The following TMEM178B variants were observed in gnomAD, a reference collection of about 807,000 sequenced individuals.
The protein encoded by TMEM178B is transmembrane protein 178B.
A neutral mutation model predicts 31.0 loss-of-function variants in TMEM178B; 5 were observed. The observed-to-expected ratio is 0.16, with a 90% CI of 0.08 to 0.34. The LOEUF is 0.34. Among genes scored for constraint, TMEM178B ranks in the 10% least tolerant of loss-of-function variants. The pLI, the probability that TMEM178B is intolerant of heterozygous loss-of-function variation, is 1.00. For synonymous variants in TMEM178B, 164 were observed against 164.0 expected (o/e 1.00, Z 0.00); for missense variants, 275 against 400.3 (o/e 0.69, Z 2.67).
intron 2 of TMEM178B, among the ~76,000 whole-genome samples, chr7:141,314,346 T>C (rs1185418209): frequency 1.3e-5 from 2 of 152,224 alleles, no homozygotes; most frequent in South Asian, 2.1e-4. Flanking sequence ...GAGGATCTGA[T>C]TGCAGGATGT....
chr7:141,410,426 T>TA (rs567826826), intron 2 of TMEM178B, among the ~76,000 whole-genome samples: 1 of 150,510 alleles, frequency 6.6e-6, no homozygotes, highest in South Asian at 2.1e-4. Context: ...TCTTCTGTTT[T>TA]TTTTCTTTTC....
At position 141,171,006 on chromosome 7, in the gene TMEM178B, TCA is replaced by T. The variant is rs1796339401; in HGVS notation, c.383-41576_383-41575del. 8.1e-6 allele frequency among the ~76,000 whole-genome samples: 1 copy of T among 122,838 alleles called. No homozygotes were observed. Among genetic ancestry groups the T allele is most frequent in the African/African-American group, 3.3e-5 (1 of 30,726 alleles). 80.6% of individuals were successfully genotyped at this position (122,838 alleles called of 152,430 possible). A position where few individuals can be genotyped will look rare whatever the true frequency, so the allele number is the denominator to read the frequency against. ...GGTTATTACAGGTTCAGACTACACA[TCA>T]CACACACATACACACACACACACAC... is the stretch of plus-strand genomic sequence containing the variant. On this transcript the variant is annotated intron_variant, in intron 1 of 3. Transcript: ENST00000565468. This position sits in a 1 kb window ranked among gnomAD's most constrained non-coding sequence, Gnocchi z 4.3.
intron 1 of TMEM178B, among the ~76,000 whole-genome samples, chr7:141,129,550 A>G (rs534831297): frequency 6.6e-6 from 1 of 152,316 alleles, no homozygotes; most frequent in South Asian, 2.1e-4. Context: ...AACTCCTGCC[A>G]AATAAATATA....
At chr7:141,376,268 C>T (rs997961864) in intron 2 of TMEM178B, among the ~76,000 whole-genome samples, 1 of 152,156 alleles carries the variant, frequency 6.6e-6, no homozygotes, top group Non-Finnish European at 1.5e-5. Flanking sequence ...CCAATCTCAA[C>T]GGAATTATTG....
chr7:141,234,136 T>G (rs1797490939), intron 2 of TMEM178B, among the ~76,000 whole-genome samples: 1 of 152,194 alleles, frequency 6.6e-6, no homozygotes, highest in South Asian at 2.1e-4. Context: ...ATGTAAAGTC[T>G]GTGACAGGCA....
chr7:141,436,900 G>T (rs1801555141), intron 2 of TMEM178B, among the ~76,000 whole-genome samples: 1 of 152,210 alleles, frequency 6.6e-6, no homozygotes, highest in Non-Finnish European at 1.5e-5. Flanking sequence ...CTGACCCGGG[G>T]GTGGAGGAGA....
At chr7:141,348,855 G>T (rs1021259341) in intron 2 of TMEM178B, among the ~76,000 whole-genome samples, 7 of 152,270 alleles carry the variant, frequency 4.6e-5, no homozygotes, top group Middle Eastern at 3.4e-3. Context: ...TTAGCGAGCA[G>T]AACTGACAGT....
At chr7:141,358,596 T>TA (rs1799863576) in intron 2 of TMEM178B, among the ~76,000 whole-genome samples, 1 of 152,108 alleles carries the variant, frequency 6.6e-6, no homozygotes. Flanking sequence ...GAAAACTCAT[T>TA]ACATAAATTA....
At chr7:141,446,314 T>C (rs1242379384) in intron 3 of TMEM178B, among the ~76,000 whole-genome samples, 1 of 152,202 alleles carries the variant, frequency 6.6e-6, no homozygotes, top group African/African-American at 2.4e-5. Context: ...AATCCAAATC[T>C]GGTCAGCAAT....
the TMEM178B span, among the ~76,000 whole-genome samples, chr7:141,508,511 G>A: frequency 6.6e-6 from 1 of 152,134 alleles, no homozygotes; most frequent in Admixed American, 6.5e-5. Context: ...TTTCAGCAGT[G>A]TCCCACTCTA....
chr7:141,409,579 GC>G (rs1471840890), intron 2 of TMEM178B, among the ~76,000 whole-genome samples: 14 of 152,062 alleles, frequency 9.2e-5, no homozygotes, highest in Admixed American at 7.9e-4. Flanking sequence ...ATTTTAGTTG[GC>G]ATCCTTTCCT....
At chr7:141,374,526 C>T (rs1800176540) in intron 2 of TMEM178B, among the ~76,000 whole-genome samples, 1 of 152,148 alleles carries the variant, frequency 6.6e-6, no homozygotes, top group Non-Finnish European at 1.5e-5. Flanking sequence ...GGGGAGAGAG[C>T]TGGCCTAGAG....
intron 2 of TMEM178B, among the ~76,000 whole-genome samples, chr7:141,425,640 G>C (rs1031619366): frequency 2.6e-5 from 4 of 152,202 alleles, no homozygotes; most frequent in Non-Finnish European, 4.4e-5. Context: ...TCTTGGTCTT[G>C]CGACTCTGCC....
rs543388163 is a variant in TMEM178B at position 141,174,619 on chromosome 7, A to G, written c.383-37972A>G. Among the ~76,000 whole-genome samples the G allele has an allele frequency of 9.9e-5, 15 of 152,236 alleles. No individual in the cohort carries two copies. In the East Asian group the frequency reaches 2.9e-3, roughly 29 times the overall value. On this transcript the variant is annotated intron_variant, in intron 1 of 3. Coordinates refer to ENST00000565468, the MANE Select transcript of TMEM178B (RefSeq NM_001195278.2). ...CCTATTTCTCCACCTCCCCTCCAGC[A>G]TCTGTTGTTTCCTGACTTTTTAATG...
rs1802413409 is a variant in TMEM178B at position 141,478,474 on chromosome 7, G to A, written c.*7688G>A. The A allele has an allele frequency of 6.6e-6, 1 of 152,172 alleles. No homozygotes were observed. Among genetic ancestry groups the A allele is most frequent in the African/African-American group, 2.4e-5 (1 of 41,434 alleles). 9.4% of individuals were successfully genotyped at this position (152,172 alleles called of 1,614,324 possible). A position where few individuals can be genotyped will look rare whatever the true frequency, so the allele number is the denominator to read the frequency against. On this transcript the variant is annotated 3_prime_UTR_variant, in exon 4 of 4. Transcript: ENST00000565468. Reference sequence around the variant, plus strand: ...GTCACAGTGATGGAACCAGCTTCAGGAAGGTAGTATAGACCAGCGTCATCC... The same window carrying A: ...GTCACAGTGATGGAACCAGCTTCAGAAAGGTAGTATAGACCAGCGTCATCC...
At chr7:141,224,165 A>G (rs1482419974) in intron 2 of TMEM178B, among the ~76,000 whole-genome samples, 1 of 152,118 alleles carries the variant, frequency 6.6e-6, no homozygotes, top group East Asian at 1.9e-4. Context: ...GCCTTCTGCC[A>G]TGATTGTGAG....
At position 141,170,564 on chromosome 7, in the gene TMEM178B, A is replaced by G. The variant is rs1796331801; in HGVS notation, c.383-42027A>G. The stretch of plus-strand genomic sequence containing the variant: ...ATGGAATTTATGGAATTGCTCTGCA[A>G]ATGATACAAAGGTCAGCTGTTACCG... On this transcript the variant is annotated intron_variant, in intron 1 of 3. Transcript: ENST00000565468. 2.0e-5 allele frequency among the ~76,000 whole-genome samples: 3 copies of G among 152,324 alleles called. No homozygotes were observed. In the South Asian group the frequency reaches 6.2e-4, roughly 32 times the overall value.
chr7:141,108,956 C>T (rs1019927782), intron 1 of TMEM178B, among the ~76,000 whole-genome samples: 4 of 152,130 alleles, frequency 2.6e-5, no homozygotes, highest in Non-Finnish European at 5.9e-5. Context: ...AAAGGCACTT[C>T]TTACATGGTG....
chr7:141,447,091 C>T (rs2116696379), intron 3 of TMEM178B, among the ~76,000 whole-genome samples: 1 of 152,204 alleles, frequency 6.6e-6, no homozygotes, highest in African/African-American at 2.4e-5. Context: ...ACTGTCGAGG[C>T]ACCTAGGATA....
Sources: gnomAD v4.1 joint callset for allele counts (sites outside exome capture counted in the v4.1 genomes callset) on GRCh38, gnomAD v4.1.1 for gene constraint, Gnocchi (gnomAD v3.1) non-coding constraint, MANE v1.5 for transcripts, NCBI Gene and HGNC (gene_info 2026-07-23, HGNC 2026-07-21) for gene names.